Variants in SYNPR observed in about 807,000 individuals in gnomAD.
The protein encoded by SYNPR is synaptoporin.
Under a neutral mutation model 32.9 loss-of-function variants are expected in SYNPR, and 23 were observed. The ratio of observed to expected loss-of-function variants is 0.70; its 90% confidence interval spans 0.50 to 0.99. The LOEUF is 0.99. Among genes scored for constraint, SYNPR ranks in the 50% least tolerant of loss-of-function variants. The probability of loss-of-function intolerance (pLI) is 0.00; values close to 1 mark genes in which losing one functional copy is unlikely to be tolerated. For synonymous variants in SYNPR, 146 were observed against 135.9 expected (o/e 1.07, Z -0.52); for missense variants, 318 against 349.3 (o/e 0.91, Z 0.71).
chr3:63,389,258 A>G (rs2088098179), intron 2 of SYNPR, among the ~76,000 whole-genome samples: 2 of 151,052 alleles, frequency 1.3e-5, no homozygotes, highest in Non-Finnish European at 2.9e-5. Flanking sequence ...AAGTAAACAA[A>G]ATCTACCTTA....
At chr3:63,430,300 T>G (rs752658405) in intron 2 of SYNPR, among the ~76,000 whole-genome samples, 1 of 152,168 alleles carries the variant, frequency 6.6e-6, no homozygotes, top group Non-Finnish European at 1.5e-5. Context: ...TACATTTTAT[T>G]TTAGGGTATC....
chr3:63,593,891 C>A (rs527689517), intron 4 of SYNPR, among the ~76,000 whole-genome samples: 1 of 152,042 alleles, frequency 6.6e-6, no homozygotes, highest in Non-Finnish European at 1.5e-5. Context: ...TGGCTGGTCT[C>A]CCCCACTCTC....
chr3:63,592,942 A>G (rs76331354), intron 4 of SYNPR, among the ~76,000 whole-genome samples: 6,553 of 152,116 alleles, frequency 0.043, 477 homozygotes, highest in African/African-American at 0.15. Flanking sequence ...CCCTTTTTAC[A>G]GTTGGAAACT....
chr3:63,244,607 A>C (rs2086271389), intron 1 of SYNPR, among the ~76,000 whole-genome samples: 1 of 152,052 alleles, frequency 6.6e-6, no homozygotes, highest in Non-Finnish European at 1.5e-5. Context: ...TGGCGCATGC[A>C]TTTTGTGTGT....
At chr3:63,359,403 T>C (rs2087628200) in intron 2 of SYNPR, among the ~76,000 whole-genome samples, 1 of 152,118 alleles carries the variant, frequency 6.6e-6, no homozygotes, top group South Asian at 2.1e-4. Context: ...TAACCAAGAG[T>C]TGAGTTGTTT....
intron 2 of SYNPR, among the ~76,000 whole-genome samples, chr3:63,253,555 T>C (rs1025465688): frequency 6.6e-6 from 1 of 152,120 alleles, no homozygotes; most frequent in Non-Finnish European, 1.5e-5. Flanking sequence ...AAATAAAAGA[T>C]ACATGAAAAA....
At chr3:63,268,389 A>AC (rs566297073) in intron 3 of SYNPR, among the ~76,000 whole-genome samples, 2 of 151,902 alleles carry the variant, frequency 1.3e-5, no homozygotes, top group African/African-American at 2.4e-5. Flanking sequence ...AGGAGTATTG[A>AC]CCCCCCACCA....
chr3:63,427,716 G>C (rs1007923870), intron 2 of SYNPR: 2 of 152,248 alleles, frequency 1.3e-5, no homozygotes, highest in Non-Finnish European at 2.9e-5. Context: ...GGGGAGCTCA[G>C]AGCATACAGA....
At chr3:63,468,107 T>C (rs1467004997) in intron 2 of SYNPR, among the ~76,000 whole-genome samples, 2 of 150,008 alleles carry the variant, frequency 1.3e-5, no homozygotes, top group African/African-American at 4.9e-5. Flanking sequence ...GGCAGGAGAA[T>C]TGCTTGAACC....
chr3:63,315,803 C>A (rs2087034516), intron 2 of SYNPR, among the ~76,000 whole-genome samples: 1 of 151,948 alleles, frequency 6.6e-6, no homozygotes, highest in Admixed American at 6.6e-5. Context: ...GAGTGGGCAT[C>A]CTTGTCTTAT....
At chr3:63,220,062 G>C in the SYNPR span, among the ~76,000 whole-genome samples, 6 of 152,162 alleles carry the variant, frequency 3.9e-5, no homozygotes, top group Non-Finnish European at 7.3e-5. Context: ...TGTCCATTTT[G>C]TTCACTGTTG....
intron 3 of SYNPR, among the ~76,000 whole-genome samples, chr3:63,498,184 C>T (rs570339622): frequency 1.3e-5 from 2 of 152,208 alleles, no homozygotes; most frequent in South Asian, 2.1e-4. Flanking sequence ...GCTATGTTTG[C>T]GATCTAAGGG....
intron 2 of SYNPR, among the ~76,000 whole-genome samples, chr3:63,310,341 T>C (rs1240306385): frequency 6.6e-6 from 1 of 152,042 alleles, no homozygotes; most frequent in East Asian, 1.9e-4. Context: ...GCTTACATGA[T>C]TGAGAAGTCC....
chr3:63,226,252 G>A (rs1479958072), upstream of SYNPR, among the ~76,000 whole-genome samples: 2 of 152,040 alleles, frequency 1.3e-5, no homozygotes, highest in Admixed American at 6.6e-5. Context: ...ATTGTTAGTG[G>A]GAATGTAAAT....
At chr3:63,308,405 C>T (rs2086929464) in intron 2 of SYNPR, among the ~76,000 whole-genome samples, 1 of 151,748 alleles carries the variant, frequency 6.6e-6, no homozygotes, top group South Asian at 2.1e-4. Context: ...TTATCATTTC[C>T]AATCTTCTTC....
At chr3:63,493,464 CAA>C (rs1414047128) in intron 3 of SYNPR, among the ~76,000 whole-genome samples, 12 of 151,884 alleles carry the variant, frequency 7.9e-5, no homozygotes, top group Admixed American at 7.2e-4. Context: ...TAGACTCTCT[CAA>C]TGATAGGTTG....
rs534582579 is a variant in SYNPR at position 63,253,012 on chromosome 3, C to A, written n.154+426C>A. 9.1e-4 allele frequency among the ~76,000 whole-genome samples: 136 copies of A among 149,144 alleles called. 1 individual carries two copies. Among genetic ancestry groups the A allele is most frequent in the Non-Finnish European group, 1.7e-3 (116 of 67,620 alleles). ...TGAGATTATGTGACTGCACTCCAGC[C>A]TGGGTGACAGAGTGAGACTCTGTCT... On this transcript the variant is annotated intron_variant and non_coding_transcript_variant, in intron 2 of 4. Coordinates refer to the SYNPR transcript ENST00000478456.
At chr3:63,529,477 G>A (rs1309059282) in intron 3 of SYNPR, among the ~76,000 whole-genome samples, 1 of 152,096 alleles carries the variant, frequency 6.6e-6, no homozygotes, top group African/African-American at 2.4e-5. Context: ...TAAAATGTTT[G>A]TTGGAACTAA....
intron 4 of SYNPR, among the ~76,000 whole-genome samples, chr3:63,607,499 C>G (rs1275203898): frequency 1.3e-5 from 2 of 152,060 alleles, no homozygotes; most frequent in African/African-American, 4.8e-5. Flanking sequence ...TACCTCATCT[C>G]AGAAAGGCTC....
Sources: allele counts gnomAD v4.1 joint callset (sites outside exome capture counted in the v4.1 genomes callset), GRCh38; gene constraint gnomAD v4.1.1; transcripts MANE v1.5; gene names NCBI Gene and HGNC (gene_info 2026-07-23, HGNC 2026-07-21).